The following ADAP2 variants were observed in gnomAD, a reference collection of about 807,000 sequenced individuals.
The protein encoded by ADAP2 is ArfGAP with dual PH domains 2.
Under a neutral mutation model 54.9 loss-of-function variants are expected in ADAP2, and 42 were observed. The observed-to-expected ratio is 0.77, with a 90% CI of 0.60 to 0.99. ADAP2 has a LOEUF of 0.99. ADAP2 is among the 50% of genes least tolerant of loss of function. The pLI is 0.00. For missense variants in ADAP2, 429 were observed against 480.4 expected (o/e 0.89, Z 1.00); for synonymous variants, 177 against 180.1 (o/e 0.98, Z 0.14).
At chr17:30,932,441 A>T (rs1911565460) in intron 4 of ADAP2, among the ~76,000 whole-genome samples, 1 of 151,516 alleles carries the variant, frequency 6.6e-6, no homozygotes, top group African/African-American at 2.4e-5. Flanking sequence ...TTTTGTAGAG[A>T]TGGGGTTTCA....
intron 4 of ADAP2, among the ~76,000 whole-genome samples, chr17:30,933,492 A>C (rs1008560207): frequency 4.7e-5 from 7 of 147,652 alleles, no homozygotes; most frequent in African/African-American, 1.0e-4. Flanking sequence ...CCAGCCCATA[A>C]ATTATTCTTC....
chr17:30,941,419 T>G (rs1041292317), intron 5 of ADAP2, among the ~76,000 whole-genome samples: 11 of 152,222 alleles, frequency 7.2e-5, no homozygotes, highest in African/African-American at 2.7e-4. Context: ...CGTAAACTTT[T>G]CTGAAAGCAC....
intron 3 of ADAP2, among the ~76,000 whole-genome samples, chr17:30,931,626 G>C (rs1178203496): frequency 6.6e-6 from 1 of 152,022 alleles, no homozygotes; most frequent in Non-Finnish European, 1.5e-5. Flanking sequence ...TTCAAGACCA[G>C]CTTAGGCAAC....
At position 30,923,039 on chromosome 17, in the gene ADAP2, G is replaced by A; in HGVS notation, c.194G>A (p.Arg65Gln). The change falls in exon 2 of 11, where the codon CGA (arginine) becomes CAA (glutamine). Residue 65 changes from arginine (R) to glutamine (Q), a missense_variant. Arg to Gln is a conservative substitution (Grantham distance 43, BLOSUM62 1). Transcript: ENST00000330889. ...GACATCAGCAGAGTTAAATCTGTGCGACTTGACTTCTGGGACGACAGTATT... is the reference window on the plus strand; with the variant it reads ...GACATCAGCAGAGTTAAATCTGTGCAACTTGACTTCTGGGACGACAGTATT... Reference protein sequence around the residue: ...FPDISRVKSVRLDFWDDSIVE... With the variant: ...FPDISRVKSVQLDFWDDSIVE... 1.2e-6 allele frequency: 2 copies of A among 1,614,004 alleles called. No individual in the cohort carries two copies. Among genetic ancestry groups the A allele is most frequent in the South Asian group, 1.1e-5 (1 of 91,060 alleles).
intron 2 of ADAP2, among the ~76,000 whole-genome samples, chr17:30,925,183 ATT>A (rs57259969): frequency 1.7e-4 from 17 of 98,118 alleles, no homozygotes; most frequent in Admixed American, 3.5e-4. Flanking sequence ...CGTGCCCAGC[ATT>A]TTTTTTTTTT....
chr17:30,958,110 A>G lies in ADAP2; in HGVS notation c.*241A>G, dbSNP rs576279597. On this transcript the variant is annotated 3_prime_UTR_variant, in exon 11 of 11. Transcript: ENST00000330889. Reference sequence around the variant, plus strand: ...GAACATCTATCCCCTCCTCCCCCATACACACCTAGGCTTGAAATGCCCTAC... The same window carrying G: ...GAACATCTATCCCCTCCTCCCCCATGCACACCTAGGCTTGAAATGCCCTAC... 3.5e-6 allele frequency: 2 copies of G among 565,278 alleles called. No individual in the cohort carries two copies. Among genetic ancestry groups the G allele is most frequent in the East Asian group, 3.0e-5 (1 of 33,796 alleles). The allele number at this position is 565,278 out of a possible 1,614,324, so 35.0% of individuals were successfully genotyped here. A position where few individuals can be genotyped will look rare whatever the true frequency, so the allele number is the denominator to read the frequency against.
At chr17:30,955,941 C>A (rs1905035451) in intron 9 of ADAP2, among the ~76,000 whole-genome samples, 1 of 151,966 alleles carries the variant, frequency 6.6e-6, no homozygotes, top group Admixed American at 6.6e-5. Context: ...GAGAAGGGGT[C>A]TCACTATGTT....
intron 5 of ADAP2, among the ~76,000 whole-genome samples, chr17:30,939,380 T>C (rs994758133): frequency 3.0e-5 from 4 of 133,586 alleles, no homozygotes; most frequent in Non-Finnish European, 6.4e-5. Context: ...AATTTTTAGG[T>C]AAAACTTTTG....
intron 4 of ADAP2, among the ~76,000 whole-genome samples, chr17:30,932,230 CTTTT>C (rs769096794): frequency 2.5e-5 from 3 of 118,944 alleles, no homozygotes. Flanking sequence ...TGTACAGACT[CTTTT>C]TTTTTTTTTT....
At chr17:30,936,094 C>T (rs553696292) in intron 5 of ADAP2, among the ~76,000 whole-genome samples, 36 of 152,280 alleles carry the variant, frequency 2.4e-4, no homozygotes, top group Non-Finnish European at 3.7e-4. Flanking sequence ...CAACCAACAA[C>T]TTACTTTCTG....
chr17:30,955,694 C>T (rs1358296909), intron 9 of ADAP2, among the ~76,000 whole-genome samples: 2 of 149,026 alleles, frequency 1.3e-5, no homozygotes, highest in South Asian at 2.1e-4. Flanking sequence ...GAGTGAGACT[C>T]CGTCTCAAAA....
intron 5 of ADAP2, among the ~76,000 whole-genome samples, chr17:30,939,499 C>T (rs939916945): frequency 7.3e-5 from 11 of 150,816 alleles, no homozygotes; most frequent in Non-Finnish European, 1.2e-4. Context: ...AGGCCAGGCT[C>T]GGAGGCTCAC....
chr17:30,956,114 C>T (rs1446115687), intron 9 of ADAP2, 127 bp from the exon 10 acceptor site: 4 of 717,632 alleles, frequency 5.6e-6, no homozygotes, highest in Admixed American at 2.9e-5. Flanking sequence ...TTCTGGGTCC[C>T]ACTTAGCAGA....
chr17:30,930,248 T>C (rs1396276530), intron 3 of ADAP2, among the ~76,000 whole-genome samples: 1 of 151,272 alleles, frequency 6.6e-6, no homozygotes, highest in Non-Finnish European at 1.5e-5. Flanking sequence ...ATTTTTGTAT[T>C]TTTGGTAGAG....
At chr17:30,925,741 G>A (rs948926775) in intron 2 of ADAP2, among the ~76,000 whole-genome samples, 4 of 151,416 alleles carry the variant, frequency 2.6e-5, no homozygotes, top group Non-Finnish European at 5.9e-5. Context: ...GATTACAGGC[G>A]TGCACCACCA....
chr17:30,937,549 C>G (rs1391953700), intron 5 of ADAP2, among the ~76,000 whole-genome samples: 1 of 152,180 alleles, frequency 6.6e-6, no homozygotes, highest in East Asian at 1.9e-4. Flanking sequence ...AAGCAGCACG[C>G]TGGCTGCTGC....
chr17:30,957,816 C>T lies in ADAP2; in HGVS notation c.1112-19C>T. ...ATTGGCATGGCCACCTCCCTCAGCC[C>T]TCTTCATTTCCCTTGCAGCTGCATC... is the stretch of plus-strand genomic sequence containing the variant. On this transcript the variant is annotated intron_variant, in intron 10 of 10. Coordinates refer to ENST00000330889, the MANE Select transcript of ADAP2 (RefSeq NM_018404.3). 6.2e-7 allele frequency: 1 copy of T among 1,613,698 alleles called. No homozygotes were observed. Among genetic ancestry groups the T allele is most frequent in the Non-Finnish European group, 8.5e-7 (1 of 1,179,800 alleles).
chr17:30,933,854 T>A lies in ADAP2; in HGVS notation c.398-331T>A, dbSNP rs991923022. Among the ~76,000 whole-genome samples, 35 of 152,316 alleles carry A rather than the reference T, an allele frequency of 2.3e-4. 2 individuals are homozygous for A. In the South Asian group the frequency reaches 5.6e-3, roughly 24 times the overall value. ...GCATGAAGTTGGGCAGGACCATATG[T>A]ATTTAGTATGTATTTAAGTGTCTTT... is the stretch of plus-strand genomic sequence containing the variant. On this transcript the variant is annotated intron_variant, in intron 4 of 10. Transcript: ENST00000330889.
intron 9 of ADAP2, among the ~76,000 whole-genome samples, chr17:30,955,578 G>A (rs1242275478): frequency 5.3e-5 from 8 of 151,768 alleles, no homozygotes; most frequent in Admixed American, 3.9e-4. Flanking sequence ...GTGGTGGTGC[G>A]TGCCTGTAAG....
Sources: allele counts gnomAD v4.1 joint callset (sites outside exome capture counted in the v4.1 genomes callset), GRCh38; gene constraint gnomAD v4.1.1; transcripts MANE v1.5; gene names NCBI Gene and HGNC (gene_info 2026-07-23, HGNC 2026-07-21).